CCDC149: variants seen among roughly 807,000 people sequenced by gnomAD.
The protein encoded by CCDC149 is coiled-coil domain-containing protein 149.
CCDC149 carries 45 observed loss-of-function variants against 59.9 expected under a neutral mutation model. The ratio of observed to expected loss-of-function variants is 0.75; its 90% CI spans 0.59 to 0.96. CCDC149 has a LOEUF of 0.96. Ranked by LOEUF, CCDC149 falls within the 40% of genes least tolerant of loss-of-function variation. The pLI is 0.00. For synonymous variants in CCDC149, 245 were observed against 260.6 expected (o/e 0.94, Z 0.58); for missense variants, 584 against 664.7 (o/e 0.88, Z 1.33).
At chr4:24,883,879 G>T (rs1463342109) in intron 1 of CCDC149, among the ~76,000 whole-genome samples, 1 of 152,138 alleles carries the variant, frequency 6.6e-6, no homozygotes, top group Non-Finnish European at 1.5e-5. Context: ...CTAGAGACAC[G>T]TAACTAACAA....
chr4:24,906,255 G>GT (rs1446523874), intron 1 of CCDC149, among the ~76,000 whole-genome samples: 1 of 152,090 alleles, frequency 6.6e-6, no homozygotes. Context: ...CAGCCTTGGT[G>GT]TTGTGACATG....
rs1719130517 is a variant in CCDC149 at position 24,872,854 on chromosome 4, A to ATGATAGGC, written c.264+819_264+826dup. Among the ~76,000 whole-genome samples the ATGATAGGC allele has an allele frequency of 1.3e-5, 2 of 151,800 alleles. 1 individual carries two copies. Among genetic ancestry groups the ATGATAGGC allele is most frequent in the African/African-American group, 4.8e-5 (2 of 41,272 alleles). On this transcript the variant is annotated intron_variant, in intron 3 of 12. Coordinates refer to ENST00000635206, the MANE Select transcript of CCDC149 (RefSeq NM_001330643.2). ...CCATAGAAGACTATACAGCCACAGA[A>ATGATAGGC]TGATAGGCACCTACCAAGTGGTATG... is the stretch of plus-strand genomic sequence containing the variant.
At chr4:24,960,789 C>A (rs933325022) in intron 1 of CCDC149, among the ~76,000 whole-genome samples, 4 of 152,070 alleles carry the variant, frequency 2.6e-5, no homozygotes, top group African/African-American at 9.7e-5. Flanking sequence ...GAGAAATAGA[C>A]AAATCCAAAA....
intron 3 of CCDC149, among the ~76,000 whole-genome samples, chr4:24,858,411 T>C (rs1488563377): frequency 1.3e-5 from 2 of 152,220 alleles, no homozygotes; most frequent in Non-Finnish European, 1.5e-5. Flanking sequence ...CTCTTTTAAA[T>C]ATTCAGATCA....
chr4:24,851,065 G>A (rs192766408), intron 4 of CCDC149, among the ~76,000 whole-genome samples: 359 of 152,132 alleles, frequency 2.4e-3, no homozygotes, highest in African/African-American at 8.1e-3. Flanking sequence ...TTTCTTTACA[G>A]GCCATGAATA....
At chr4:24,825,205 T>C (rs1715647571) in intron 9 of CCDC149, among the ~76,000 whole-genome samples, 1 of 152,090 alleles carries the variant, frequency 6.6e-6, no homozygotes, top group Admixed American at 6.5e-5. Flanking sequence ...GTCCCTGCAT[T>C]TGAGAGACTA....
At chr4:24,921,858 C>T (rs767628198) in intron 1 of CCDC149, among the ~76,000 whole-genome samples, 1 of 152,166 alleles carries the variant, frequency 6.6e-6, no homozygotes, top group African/African-American at 2.4e-5. Flanking sequence ...CCCTATTCCC[C>T]GCTCTTGTGC....
Position 24,948,125 on chromosome 4 carries a change from A to T in CCDC149, c.-65+31944T>A, listed in dbSNP as rs1332459652. On this transcript the variant is annotated intron_variant, in intron 1 of 12. Coordinates refer to the CCDC149 transcript ENST00000389609. ...TGGGCTACGGCAGGTGATTTAAGAA[A>T]CCTATCCTGAAAAATCAGAAAGTGG... Among the ~76,000 whole-genome samples, 12 of 152,288 alleles carry T rather than the reference A, an allele frequency of 7.9e-5. No individual in the cohort carries two copies. In the East Asian group the frequency reaches 2.3e-3, roughly 29 times the overall value.
At chr4:24,841,613 C>T (rs796459114) in intron 4 of CCDC149, among the ~76,000 whole-genome samples, 7 of 152,290 alleles carry the variant, frequency 4.6e-5, no homozygotes, top group African/African-American at 1.2e-4. Context: ...AGGACGTCAC[C>T]GCAGAGGAGA....
chr4:24,810,103 C>G (rs1281767992), intron 12 of CCDC149, among the ~76,000 whole-genome samples: 1 of 152,156 alleles, frequency 6.6e-6, no homozygotes, highest in Non-Finnish European at 1.5e-5. Flanking sequence ...TCTCCACATG[C>G]ACTGATCAGT....
chr4:24,943,665 C>T (rs1723015761), intron 1 of CCDC149, among the ~76,000 whole-genome samples: 4 of 152,150 alleles, frequency 2.6e-5, no homozygotes, highest in Admixed American at 2.6e-4. Flanking sequence ...GCAATCTACT[C>T]ATCTGACACA....
intron 1 of CCDC149, among the ~76,000 whole-genome samples, chr4:24,909,614 C>T (rs1976942): frequency 0.81 from 122,982 of 152,148 alleles, 51,899 homozygotes; most frequent in Non-Finnish European, 0.93. Context: ...TCAAATCTCA[C>T]CTTGAATTGC....
In CCDC149 at chr4:24,853,182, AGAAATATCAACACATTAT is replaced by A; in HGVS notation, c.265-21_265-4del. 1 of 1,579,862 alleles carries A rather than the reference AGAAATATCAACACATTAT, an allele frequency of 6.3e-7. No individual in the cohort carries two copies. Among genetic ancestry groups the A allele is most frequent in the Non-Finnish European group, 8.7e-7 (1 of 1,149,238 alleles). On this transcript the variant is annotated splice_polypyrimidine_tract_variant and splice_region_variant and intron_variant, in intron 3 of 12. Coordinates refer to ENST00000635206, the MANE Select transcript of CCDC149 (RefSeq NM_001330643.2). Reference sequence around the variant, plus strand: ...CTCAATAGTTGTGCAAGATTAGCCTAGAAATATCAACACATTATGAAATACAATCAGAAATGGAGGAGT... The same window carrying A: ...CTCAATAGTTGTGCAAGATTAGCCTAGAAATACAATCAGAAATGGAGGAGT...
chr4:24,873,016 T>G (rs1719144115), intron 3 of CCDC149, among the ~76,000 whole-genome samples: 1 of 141,948 alleles, frequency 7.0e-6, no homozygotes, highest in Non-Finnish European at 1.5e-5. Flanking sequence ...ACCCACCAAG[T>G]GGTATGCACC....
chr4:24,854,515 G>A (rs1717881902), intron 3 of CCDC149, among the ~76,000 whole-genome samples: 1 of 152,188 alleles, frequency 6.6e-6, no homozygotes, highest in African/African-American at 2.4e-5. Context: ...GGATATTAGA[G>A]ATGATCTTAA....
chr4:24,889,482 G>A (rs1720401750), intron 1 of CCDC149, among the ~76,000 whole-genome samples: 1 of 152,184 alleles, frequency 6.6e-6, no homozygotes. Context: ...TTCAGAGATT[G>A]TGTATATGTT....
intron 3 of CCDC149, among the ~76,000 whole-genome samples, chr4:24,858,717 G>A (rs1334099337): frequency 2.0e-5 from 3 of 152,202 alleles, no homozygotes; most frequent in Non-Finnish European, 2.9e-5. Context: ...AGCCCTGGGT[G>A]TGGGAACTGG....
At chr4:24,946,078 T>C (rs1268494538) in intron 1 of CCDC149, among the ~76,000 whole-genome samples, 2 of 152,182 alleles carry the variant, frequency 1.3e-5, no homozygotes, top group East Asian at 1.9e-4. Flanking sequence ...AAAAACATAC[T>C]TAACAGTCAA....
chr4:24,949,629 A>G (rs779690188), intron 1 of CCDC149, among the ~76,000 whole-genome samples: 4 of 152,220 alleles, frequency 2.6e-5, no homozygotes, highest in Non-Finnish European at 5.9e-5. Flanking sequence ...ACACATTTGC[A>G]AACACACAAG....
Sources: allele counts gnomAD v4.1 joint callset (sites outside exome capture counted in the v4.1 genomes callset), GRCh38; gene constraint gnomAD v4.1.1; transcripts MANE v1.5; gene names NCBI Gene and HGNC (gene_info 2026-07-23, HGNC 2026-07-21).